The following LYRM4 variants were observed in gnomAD, a reference collection of about 807,000 sequenced individuals.
LYRM4 encodes the protein LYR motif-containing protein 4.
LYRM4 carries 9 observed loss-of-function variants against 11.7 expected under a neutral mutation model. The ratio of observed to expected loss-of-function variants is 0.77; its 90% CI spans 0.46 to 1.34. The LOEUF is 1.34. Among genes scored for constraint, LYRM4 ranks in the 40% most tolerant of loss-of-function variants. LYRM4 has a pLI of 0.00. For missense variants in LYRM4, 133 were observed against 112.5 expected, an observed-to-expected ratio of 1.18 and a Z score of -0.82; for synonymous variants, 42 against 40.4, an observed-to-expected ratio of 1.04 and a Z score of -0.15.
chr6:5,242,607 A>G (rs1763948600), intron 1 of LYRM4, among the ~76,000 whole-genome samples: 1 of 150,556 alleles, frequency 6.6e-6, no homozygotes, highest in Non-Finnish European at 1.5e-5. Flanking sequence ...GTAATCCCAG[A>G]TACTCGGGAG....
chr6:5,125,895 G>A (rs1307549044), intron 2 of LYRM4, among the ~76,000 whole-genome samples: 1 of 152,176 alleles, frequency 6.6e-6, no homozygotes, highest in East Asian at 1.9e-4. Context: ...AAACAAGGCG[G>A]CTGATCCACT....
intron 2 of LYRM4, among the ~76,000 whole-genome samples, chr6:5,157,335 G>A (rs1429719212): frequency 1.3e-5 from 2 of 152,266 alleles, no homozygotes; most frequent in Non-Finnish European, 2.9e-5. Context: ...GACGGACTAT[G>A]ATGCAGTACT....
chr6:5,204,747 C>T (rs563514906), intron 2 of LYRM4, among the ~76,000 whole-genome samples: 7 of 152,310 alleles, frequency 4.6e-5, no homozygotes, highest in Admixed American at 2.0e-4. Context: ...TTCTTTTTCC[C>T]GGGTGCATCC....
At chr6:5,205,514 G>A (rs114817059) in intron 2 of LYRM4, among the ~76,000 whole-genome samples, 3,170 of 150,240 alleles carry the variant, frequency 0.021, 51 homozygotes, top group Middle Eastern at 0.052. Flanking sequence ...GCCAGGGAGA[G>A]AAAAAAGTAT....
At chr6:5,162,511 G>GAGAGAGAGAGAGAGAGAGAGAA (rs60651754) in intron 2 of LYRM4, among the ~76,000 whole-genome samples, 2 of 147,628 alleles carry the variant, frequency 1.4e-5, no homozygotes, top group African/African-American at 2.5e-5. Context: ...GAGAGAGAGA[G>GAGAGAGAGAGAGAGAGAGAGAA]AGAGAGAGAG....
At chr6:5,132,173 A>G (rs1001048207) in intron 2 of LYRM4, among the ~76,000 whole-genome samples, 1 of 152,214 alleles carries the variant, frequency 6.6e-6, no homozygotes, top group East Asian at 1.9e-4. Context: ...TTAATACATA[A>G]GCAATACATA....
chr6:5,093,035 G>C, the LYRM4 span, among the ~76,000 whole-genome samples: 1 of 152,290 alleles, frequency 6.6e-6, no homozygotes, highest in South Asian at 2.1e-4. Context: ...TGTTAACAAT[G>C]AAACACACAA....
intron 2 of LYRM4, among the ~76,000 whole-genome samples, chr6:5,166,513 T>C (rs1392560894): frequency 1.3e-5 from 2 of 152,260 alleles, no homozygotes; most frequent in Non-Finnish European, 1.5e-5. Flanking sequence ...CATTATTGTA[T>C]TGAAGCCTTT....
chr6:5,066,845 G>A, the LYRM4 span: 1 of 828,960 alleles, frequency 1.2e-6, no homozygotes, highest in Non-Finnish European at 2.0e-6. Flanking sequence ...GCGGAGAGGA[G>A]TCAGACAGGC....
chr6:5,139,897 G>A (rs1432244606), intron 2 of LYRM4, among the ~76,000 whole-genome samples: 1 of 149,710 alleles, frequency 6.7e-6, no homozygotes, highest in Non-Finnish European at 1.5e-5. Flanking sequence ...GGGGGCAGTG[G>A]TGTGATCACG....
the LYRM4 span, among the ~76,000 whole-genome samples, chr6:5,041,602 T>C: frequency 6.6e-6 from 1 of 152,254 alleles, no homozygotes; most frequent in African/African-American, 2.4e-5. Context: ...CACCATCCTT[T>C]AAACTGCTGT....
intron 2 of LYRM4, among the ~76,000 whole-genome samples, chr6:5,158,110 A>T (rs1561837584): frequency 6.6e-6 from 1 of 152,240 alleles, no homozygotes; most frequent in East Asian, 1.9e-4. Flanking sequence ...CCCACCACCC[A>T]AATGTATAAT....
chr6:5,239,722 T>C (rs1221210714), intron 1 of LYRM4, among the ~76,000 whole-genome samples: 1 of 151,692 alleles, frequency 6.6e-6, no homozygotes, highest in African/African-American at 2.4e-5. Context: ...GCCGGGAGAG[T>C]GCACAGACCA....
At chr6:5,092,470 C>G in the LYRM4 span, among the ~76,000 whole-genome samples, 115,368 of 151,706 alleles carry the variant, frequency 0.76, 44,613 homozygotes, top group East Asian at 0.9. Flanking sequence ...CCAGCACTTT[C>G]GGAGGCTGAG....
At chr6:5,195,885 A>T (rs912021169) in intron 2 of LYRM4, among the ~76,000 whole-genome samples, 1 of 152,222 alleles carries the variant, frequency 6.6e-6, no homozygotes. Flanking sequence ...CCCAGAATTA[A>T]TGAATAAATA....
At chr6:5,237,707 G>T (rs1763633095) in intron 1 of LYRM4, among the ~76,000 whole-genome samples, 1 of 152,106 alleles carries the variant, frequency 6.6e-6, no homozygotes, top group South Asian at 2.1e-4. Flanking sequence ...TACTCTTCTA[G>T]ATATGCTAAG....
At chr6:5,066,130 C>G in the LYRM4 span, 1 of 547,728 alleles carries the variant, frequency 1.8e-6, no homozygotes, top group Non-Finnish European at 3.5e-6. Flanking sequence ...TAATTCCCTA[C>G]ACTTTGGGTT....
chr6:5,197,206 C>T (rs1243650600), intron 2 of LYRM4, among the ~76,000 whole-genome samples: 1 of 152,112 alleles, frequency 6.6e-6, no homozygotes, highest in Non-Finnish European at 1.5e-5. Context: ...TAGGTGCTTA[C>T]TGGTGATTCA....
chr6:5,110,325 AACAT>A (rs1762822690), intron 2 of LYRM4, among the ~76,000 whole-genome samples: 1 of 152,224 alleles, frequency 6.6e-6, no homozygotes, highest in African/African-American at 2.4e-5. Flanking sequence ...GCCAGGGGTC[AACAT>A]CCTCATGGTT....
Sources: gnomAD v4.1 joint callset for allele counts (sites outside exome capture counted in the v4.1 genomes callset) on GRCh38, gnomAD v4.1.1 for gene constraint, MANE v1.5 for transcripts, NCBI Gene and HGNC (gene_info 2026-07-23, HGNC 2026-07-21) for gene names.